Variants in RERE observed in about 807,000 individuals in gnomAD.
RERE encodes the protein arginine-glutamic acid dipeptide repeats protein.
A neutral mutation model predicts 146.1 loss-of-function variants in RERE; 40 were observed. The ratio of observed to expected loss-of-function variants is 0.27; its 90% CI spans 0.21 to 0.36. The LOEUF is 0.36. Among genes scored for constraint, RERE ranks in the 10% least tolerant of loss-of-function variants. The pLI is 1.00. For missense variants in RERE, 1,933 were observed against 2,138.7 expected (o/e 0.90, Z 1.90); for synonymous variants, 1,003 against 866.0 (o/e 1.16, Z -2.78).
chr1:8,706,756 C>G (rs766831737), intron 1 of RERE, among the ~76,000 whole-genome samples: 1 of 152,108 alleles, frequency 6.6e-6, no homozygotes, highest in Non-Finnish European at 1.5e-5. Flanking sequence ...TTCGAAAGAG[C>G]TCTTTCCACC....
At position 8,752,276 on chromosome 1, in the gene RERE, A is replaced by T. The variant is rs75923080; in HGVS notation, c.-145+64884T>A. ...AATTTTGACTTTGCTTTTTATTTCTAATCCTTCATCATAAAAGAAACACTT... is the reference window on the plus strand; with the variant it reads ...AATTTTGACTTTGCTTTTTATTTCTTATCCTTCATCATAAAAGAAACACTT... On this transcript the variant is annotated intron_variant, in intron 1 of 22. Transcript: ENST00000400908. 9.9e-3 allele frequency among the ~76,000 whole-genome samples: 1,514 copies of T among 152,258 alleles called. 21 individuals carry two copies. Among genetic ancestry groups the T allele is most frequent in the African/African-American group, 0.034 (1,432 of 41,558 alleles).
At chr1:8,767,839 G>A (rs1640877245) in intron 1 of RERE, among the ~76,000 whole-genome samples, 1 of 151,546 alleles carries the variant, frequency 6.6e-6, no homozygotes. Flanking sequence ...GGTGGTGCAC[G>A]CCTGTAGTCC....
intron 12 of RERE, among the ~76,000 whole-genome samples, chr1:8,397,544 T>C (rs1301836962): frequency 6.7e-6 from 1 of 148,802 alleles, no homozygotes; most frequent in Non-Finnish European, 1.5e-5. Flanking sequence ...ACCTTTCTGA[T>C]CCCAGTTACC....
intron 2 of RERE, among the ~76,000 whole-genome samples, chr1:8,630,309 T>C (rs768717259): frequency 5.9e-5 from 9 of 151,730 alleles, no homozygotes; most frequent in Non-Finnish European, 1.2e-4. Flanking sequence ...GCCAAACCCA[T>C]CACCATTCCT....
At chr1:8,655,520 A>T (rs1466535487) in intron 2 of RERE, among the ~76,000 whole-genome samples, 2 of 152,092 alleles carry the variant, frequency 1.3e-5, no homozygotes, top group African/African-American at 2.4e-5. Flanking sequence ...GGCCATTTTT[A>T]AAAAGTACCT....
At chr1:8,369,364 A>G (rs1291064752) in intron 12 of RERE, among the ~76,000 whole-genome samples, 2 of 152,160 alleles carry the variant, frequency 1.3e-5, no homozygotes, top group South Asian at 2.1e-4. Context: ...AAAGAAAGAA[A>G]TCTAACATTG....
At chr1:8,456,223 G>C (rs1644451852) in intron 11 of RERE, among the ~76,000 whole-genome samples, 1 of 152,138 alleles carries the variant, frequency 6.6e-6, no homozygotes, top group Admixed American at 6.6e-5. Flanking sequence ...ATAATTCAGA[G>C]CATGACATCT....
At chr1:8,409,186 G>C (rs561588391) in intron 12 of RERE, among the ~76,000 whole-genome samples, 12 of 152,196 alleles carry the variant, frequency 7.9e-5, no homozygotes, top group Non-Finnish European at 1.6e-4. Flanking sequence ...CCAGCAGAGG[G>C]AGTACAACGT....
Position 8,728,134 on chromosome 1 carries a change from T to C in RERE, c.-144-71693A>G, listed in dbSNP as rs756744300. Reference sequence around the variant, plus strand: ...GGCAACCAGAGCTCTAAAGGGATCTTAATGCACTAATGAGAAGCCATGACA... The same window carrying C: ...GGCAACCAGAGCTCTAAAGGGATCTCAATGCACTAATGAGAAGCCATGACA... On this transcript the variant is annotated intron_variant, in intron 1 of 22. Coordinates refer to ENST00000400908, the MANE Select transcript of RERE (RefSeq NM_001042681.2). Among the ~76,000 whole-genome samples the C allele has an allele frequency of 5.8e-4, 89 of 152,312 alleles. 1 individual carries two copies. Among genetic ancestry groups the C allele is most frequent in the South Asian group, 2.3e-3 (11 of 4,828 alleles).
In RERE at chr1:8,661,004, G is replaced by A. The variant is rs561577670; in HGVS notation, c.-144-4563C>T. Among the ~76,000 whole-genome samples the A allele has an allele frequency of 1.1e-4, 16 of 152,286 alleles. No individual in the cohort carries two copies. In the South Asian group the frequency reaches 3.1e-3, roughly 30 times the overall value. ...ACCCCTGCCCTTATCTTGAGCTTAT[G>A]TGCTCAGCAGTGGAGAGAGACCACC... On this transcript the variant is annotated intron_variant, in intron 1 of 22. Coordinates refer to ENST00000400908, the MANE Select transcript of RERE (RefSeq NM_001042681.2).
chr1:8,464,095 T>C (rs1644563221), intron 11 of RERE, among the ~76,000 whole-genome samples: 1 of 152,254 alleles, frequency 6.6e-6, no homozygotes, highest in South Asian at 2.1e-4. Context: ...TGTCTAAACA[T>C]TTTAAAATGT....
chr1:8,624,766 C>T (rs1312669805), intron 2 of RERE, among the ~76,000 whole-genome samples: 2 of 152,006 alleles, frequency 1.3e-5, no homozygotes, highest in Non-Finnish European at 2.9e-5. Context: ...CACATGTCTT[C>T]GAAAAAGAGA....
At chr1:8,638,699 C>T (rs1274272956) in intron 2 of RERE, among the ~76,000 whole-genome samples, 3 of 151,296 alleles carry the variant, frequency 2.0e-5, no homozygotes, top group African/African-American at 7.3e-5. Context: ...TACTTGTCCA[C>T]ATTTTTCAAT....
chr1:8,795,320 G>T (rs924510934), intron 1 of RERE, among the ~76,000 whole-genome samples: 1 of 151,468 alleles, frequency 6.6e-6, no homozygotes, highest in African/African-American at 2.4e-5. Flanking sequence ...CACCGCCCCC[G>T]GCCCCCCACT....
At chr1:8,802,339 C>T (rs1298192) in intron 1 of RERE, among the ~76,000 whole-genome samples, 150,214 of 152,354 alleles carry the variant, frequency 0.99, 74,062 homozygotes, top group Middle Eastern at 1. Flanking sequence ...GAAAAAACTA[C>T]GCCTGCCTGC....
intron 11 of RERE, among the ~76,000 whole-genome samples, chr1:8,433,056 A>G (rs1313962468): frequency 6.6e-6 from 1 of 152,220 alleles, no homozygotes; most frequent in Admixed American, 6.5e-5. Flanking sequence ...GTCGGAGATT[A>G]TATGCTGTAT....
chr1:8,507,652 G>A (rs984377101), intron 8 of RERE, among the ~76,000 whole-genome samples: 2 of 151,028 alleles, frequency 1.3e-5, no homozygotes, highest in South Asian at 4.2e-4. Context: ...CAGGTGATCC[G>A]CCTGCCTCAG....
In RERE at chr1:8,396,198, G is replaced by T. The variant is rs564472171; in HGVS notation, c.1284+26529C>A. Among the ~76,000 whole-genome samples the T allele has an allele frequency of 1.8e-4, 28 of 152,256 alleles. 1 individual carries two copies. Among genetic ancestry groups the T allele is most frequent in the Admixed American group, 1.7e-3 (26 of 15,308 alleles). On this transcript the variant is annotated intron_variant, in intron 12 of 22. Coordinates refer to ENST00000400908, the MANE Select transcript of RERE (RefSeq NM_001042681.2). Reference sequence around the variant, plus strand: ...CATCAGGAAAGTGGGAGGGGGGAAGGGCTGCTGTGCTATCACTTGGGGTCC... The same window carrying T: ...CATCAGGAAAGTGGGAGGGGGGAAGTGCTGCTGTGCTATCACTTGGGGTCC...
At chr1:8,650,159 C>T (rs926453546) in intron 2 of RERE, among the ~76,000 whole-genome samples, 1 of 152,134 alleles carries the variant, frequency 6.6e-6, no homozygotes, top group Non-Finnish European at 1.5e-5. Flanking sequence ...TGAAAAAGAC[C>T]TGGTTGTGAC....
Sources: gnomAD v4.1 joint callset for allele counts (sites outside exome capture counted in the v4.1 genomes callset) on GRCh38, gnomAD v4.1.1 for gene constraint, MANE v1.5 for transcripts, NCBI Gene and HGNC (gene_info 2026-07-23, HGNC 2026-07-21) for gene names.